The following POU6F2 variants were observed in gnomAD, a reference collection of about 807,000 sequenced individuals.
The protein encoded by POU6F2 is POU domain, class 6, transcription factor 2.
In POU6F2, 31 loss-of-function variants were observed where a neutral mutation model predicts 71.3. The ratio of observed to expected loss-of-function variants is 0.43; its 90% CI spans 0.33 to 0.59. The LOEUF (loss-of-function observed/expected upper bound fraction) is 0.59. POU6F2 is among the 20% of genes least tolerant of loss of function. The pLI, the probability that POU6F2 is intolerant of heterozygous loss-of-function variation, is 0.04. For missense variants in POU6F2, 783 were observed against 856.8 expected, an observed-to-expected ratio of 0.91 and a Z score of 1.07; for synonymous variants, 347 against 355.7, an observed-to-expected ratio of 0.98 and a Z score of 0.27.
At chr7:39,361,758 C>T (rs1255365364) in intron 5 of POU6F2, among the ~76,000 whole-genome samples, 1 of 152,200 alleles carries the variant, frequency 6.6e-6, no homozygotes, top group Non-Finnish European at 1.5e-5. Context: ...GTGTTTCTCT[C>T]ACCATTTCTC....
chr7:39,350,225 C>T (rs960881023), intron 5 of POU6F2, among the ~76,000 whole-genome samples: 4 of 151,808 alleles, frequency 2.6e-5, no homozygotes, highest in African/African-American at 9.7e-5. Context: ...CTCAGCTGGA[C>T]TCCATATCCT....
At chr7:39,454,190 G>A (rs1037465308) in intron 8 of POU6F2, among the ~76,000 whole-genome samples, 1 of 152,164 alleles carries the variant, frequency 6.6e-6, no homozygotes, top group Non-Finnish European at 1.5e-5. Context: ...GCAAGGTCTG[G>A]AAGGATTCCA....
chr7:39,230,974 G>A (rs1794563371), intron 4 of POU6F2, among the ~76,000 whole-genome samples: 1 of 152,152 alleles, frequency 6.6e-6, no homozygotes. Flanking sequence ...GGCAATGTCT[G>A]GAAGCACTTT....
chr7:39,325,090 C>T (rs554257532), intron 4 of POU6F2, among the ~76,000 whole-genome samples: 19 of 152,062 alleles, frequency 1.2e-4, no homozygotes, highest in African/African-American at 2.7e-4. Flanking sequence ...AGCATTAACA[C>T]GAGTAACATT....
chr7:39,251,199 T>C (rs185639348), intron 4 of POU6F2, among the ~76,000 whole-genome samples: 32 of 152,372 alleles, frequency 2.1e-4, no homozygotes, highest in Non-Finnish European at 3.5e-4. Flanking sequence ...TTTAATTCTT[T>C]TAATGTTTCC....
intron 4 of POU6F2, among the ~76,000 whole-genome samples, chr7:39,255,170 A>G (rs982150429): frequency 5.3e-5 from 8 of 152,248 alleles, no homozygotes; most frequent in African/African-American, 1.9e-4. Flanking sequence ...TTCTAAACAA[A>G]TGATCACTTT....
chr7:39,419,066 T>C (rs1172176352), intron 6 of POU6F2, among the ~76,000 whole-genome samples: 1 of 144,928 alleles, frequency 6.9e-6, no homozygotes, highest in South Asian at 2.1e-4. Context: ...TATATACACA[T>C]ATATACACAC....
chr7:39,390,622 T>C (rs1380603391), intron 5 of POU6F2, among the ~76,000 whole-genome samples: 1 of 152,148 alleles, frequency 6.6e-6, no homozygotes, highest in Non-Finnish European at 1.5e-5. Flanking sequence ...TTAGCTGTAG[T>C]TGATGAGAAA....
chr7:39,136,131 G>A (rs915992304), intron 2 of POU6F2, among the ~76,000 whole-genome samples: 12 of 152,154 alleles, frequency 7.9e-5, no homozygotes, highest in Middle Eastern at 6.8e-3. Context: ...TTCTTGCATG[G>A]GAGTACTGTA....
At chr7:39,425,982 A>G (rs982229314) in intron 6 of POU6F2, among the ~76,000 whole-genome samples, 2 of 152,158 alleles carry the variant, frequency 1.3e-5, no homozygotes, top group African/African-American at 2.4e-5. Flanking sequence ...TTAAATTGCA[A>G]ATAAGATGTC....
At chr7:39,348,364 T>C (rs1244099562) in intron 5 of POU6F2, among the ~76,000 whole-genome samples, 1 of 152,240 alleles carries the variant, frequency 6.6e-6, no homozygotes, top group Non-Finnish European at 1.5e-5. Flanking sequence ...AACCCATTTT[T>C]ATATACTTAT....
At position 39,172,968 on chromosome 7, in the gene POU6F2, A is replaced by G. The variant is rs1316808269; in HGVS notation, c.278-31267A>G. Among the ~76,000 whole-genome samples the G allele has an allele frequency of 2.0e-5, 3 of 152,108 alleles. No homozygotes were observed. In the East Asian group the frequency reaches 5.8e-4, roughly 29 times the overall value. On this transcript the variant is annotated intron_variant, in intron 2 of 9. Transcript: ENST00000518318. Reference sequence around the variant, plus strand: ...ATACTTTAGAGAAGTACTGTCCAATAGAAATATGATGTGAACCACAAATGC... The same window carrying G: ...ATACTTTAGAGAAGTACTGTCCAATGGAAATATGATGTGAACCACAAATGC...
chr7:39,261,065 GCA>G (rs72377948), intron 4 of POU6F2, among the ~76,000 whole-genome samples: 17,447 of 147,764 alleles, frequency 0.12, 1,104 homozygotes, highest in Middle Eastern at 0.17. Context: ...ATACACACAT[GCA>G]CACACACACA....
At chr7:39,126,798 C>G (rs145545389) in intron 2 of POU6F2, among the ~76,000 whole-genome samples, 1 of 152,242 alleles carries the variant, frequency 6.6e-6, no homozygotes, top group East Asian at 1.9e-4. Flanking sequence ...TAGATATTTA[C>G]AATCCATACC....
chr7:39,257,822 A>G (rs1338933510), intron 4 of POU6F2, among the ~76,000 whole-genome samples: 1 of 151,658 alleles, frequency 6.6e-6, no homozygotes, highest in African/African-American at 2.4e-5. Flanking sequence ...CAGGGTACAC[A>G]CGGGGGAAAT....
chr7:39,215,816 C>T (rs1279667737), intron 4 of POU6F2, among the ~76,000 whole-genome samples: 2 of 151,940 alleles, frequency 1.3e-5, no homozygotes, highest in Non-Finnish European at 2.9e-5. Flanking sequence ...AAAGAGTGTC[C>T]CAGGGAGAAG....
chr7:39,380,442 T>C (rs1786804083), intron 5 of POU6F2, among the ~76,000 whole-genome samples: 1 of 152,192 alleles, frequency 6.6e-6, no homozygotes. Flanking sequence ...AGGAATCTTT[T>C]TGCATCTCCA....
chr7:39,168,562 G>A (rs1035177051), intron 2 of POU6F2, among the ~76,000 whole-genome samples: 7 of 152,138 alleles, frequency 4.6e-5, no homozygotes, highest in Non-Finnish European at 7.4e-5. Flanking sequence ...CATTGGTCAC[G>A]AGCCCTTTCT....
chr7:39,381,596 C>T (rs1273882694), intron 5 of POU6F2, among the ~76,000 whole-genome samples: 1 of 152,156 alleles, frequency 6.6e-6, no homozygotes, highest in Admixed American at 6.5e-5. Context: ...CAAGGCATTT[C>T]ACCTTGGGTC....
Sources: allele counts gnomAD v4.1 joint callset (sites outside exome capture counted in the v4.1 genomes callset), GRCh38; gene constraint gnomAD v4.1.1; transcripts MANE v1.5; gene names NCBI Gene and HGNC (gene_info 2026-07-23, HGNC 2026-07-21).